Variants in RNF180 observed in about 807,000 individuals in gnomAD.
RNF180 encodes the protein ring finger protein 180.
Under a neutral mutation model 59.2 loss-of-function variants are expected in RNF180, and 38 were observed. The observed-to-expected ratio is 0.64, with a 90% CI of 0.50 to 0.84. RNF180 has a LOEUF of 0.84. Among genes scored for constraint, RNF180 ranks in the 40% least tolerant of loss-of-function variants. The pLI is 0.00. For missense variants in RNF180, 705 were observed against 700.9 expected (o/e 1.01, Z -0.07); for synonymous variants, 262 against 240.3 (o/e 1.09, Z -0.84).
intron 7 of RNF180, among the ~76,000 whole-genome samples, chr5:64,363,823 TG>T (rs1746348166): frequency 6.6e-6 from 1 of 151,898 alleles, no homozygotes; most frequent in South Asian, 2.1e-4. Flanking sequence ...GCTGTATTCC[TG>T]GGTATTTTAT....
chr5:64,176,516 CA>C (rs1301569588), intron 1 of RNF180, among the ~76,000 whole-genome samples: 1 of 152,184 alleles, frequency 6.6e-6, no homozygotes, highest in Admixed American at 6.5e-5. Flanking sequence ...TCACTATTAA[CA>C]AGGTGTTTTC....
chr5:64,212,437 A>G lies in RNF180; in HGVS notation c.231+277A>G, dbSNP rs113130240. ...GACATATATATTATTATACACACAC[A>G]TATACATATTTACCTAAATACACAT... On this transcript the variant is annotated intron_variant, in intron 3 of 7. Transcript: ENST00000389100. 2.6e-5 allele frequency among the ~76,000 whole-genome samples: 4 copies of G among 152,194 alleles called. 1 individual carries two copies. The highest frequency in any genetic ancestry group is 9.6e-5 in the African/African-American group (4 of 41,548).
chr5:64,260,731 A>G (rs1457651726), intron 5 of RNF180, among the ~76,000 whole-genome samples: 1 of 152,150 alleles, frequency 6.6e-6, no homozygotes, highest in Non-Finnish European at 1.5e-5. Flanking sequence ...TGGCTGTATG[A>G]GATCTTCAGC....
chr5:64,173,216 G>A (rs1476257916), intron 1 of RNF180, among the ~76,000 whole-genome samples: 1 of 152,112 alleles, frequency 6.6e-6, no homozygotes, highest in African/African-American at 2.4e-5. Flanking sequence ...AGCCAAAGTA[G>A]AAACCACCCA....
intron 7 of RNF180, among the ~76,000 whole-genome samples, chr5:64,338,504 G>A (rs145442366): frequency 0.026 from 3,880 of 151,970 alleles, 70 homozygotes; most frequent in Non-Finnish European, 0.038. Flanking sequence ...GCGTGGTGGC[G>A]GGTGCCTGTA....
At chr5:64,221,492 A>G (rs1156304765) in intron 5 of RNF180, among the ~76,000 whole-genome samples, 1 of 152,154 alleles carries the variant, frequency 6.6e-6, no homozygotes, top group African/African-American at 2.4e-5. Context: ...TGTTTTATGA[A>G]TGTAAAAATA....
At chr5:64,191,065 T>C (rs1751125867) in intron 1 of RNF180, among the ~76,000 whole-genome samples, 2 of 152,214 alleles carry the variant, frequency 1.3e-5, no homozygotes, top group Admixed American at 1.3e-4. Context: ...TTTTTGTTAA[T>C]GAATACCAGT....
rs116468614 is a variant in RNF180 at position 64,274,756 on chromosome 5, C to T, written c.1228-50430C>T. On this transcript the variant is annotated intron_variant, in intron 5 of 7. Coordinates refer to ENST00000389100, the MANE Select transcript of RNF180 (RefSeq NM_001113561.2). Reference sequence around the variant, plus strand: ...TGACTGGCTTCTACTGTACTGTATTCCTCAGACCAAACAGCCTTCCTAGCT... The same window carrying T: ...TGACTGGCTTCTACTGTACTGTATTTCTCAGACCAAACAGCCTTCCTAGCT... Among the ~76,000 whole-genome samples, 613 of 151,994 alleles carry T rather than the reference C, an allele frequency of 4.0e-3. 8 individuals carry two copies. Among genetic ancestry groups the T allele is most frequent in the African/African-American group, 0.013 (554 of 41,486 alleles).
intron 1 of RNF180, among the ~76,000 whole-genome samples, chr5:64,172,996 A>G (rs1350786468): frequency 6.6e-6 from 1 of 152,244 alleles, no homozygotes; most frequent in Admixed American, 6.5e-5. Context: ...CCACTGGGAA[A>G]TGTTAAATAA....
chr5:64,283,004 G>A (rs1368778187), intron 5 of RNF180, among the ~76,000 whole-genome samples: 1 of 152,146 alleles, frequency 6.6e-6, no homozygotes, highest in Non-Finnish European at 1.5e-5. Context: ...TTCTGTAGAT[G>A]CCTGTTAGGT....
intron 7 of RNF180, among the ~76,000 whole-genome samples, chr5:64,337,943 G>C (rs184612744): frequency 3.3e-5 from 5 of 152,136 alleles, no homozygotes; most frequent in Admixed American, 3.3e-4. Flanking sequence ...CTTTGCTATT[G>C]TGAATAGTGC....
At chr5:64,346,999 T>C (rs923539695) in intron 7 of RNF180, among the ~76,000 whole-genome samples, 13 of 152,346 alleles carry the variant, frequency 8.5e-5, no homozygotes, top group African/African-American at 2.2e-4. Context: ...TGCAATGTTA[T>C]AAATAAAAGA....
chr5:64,232,760 A>C (rs1425511279), intron 5 of RNF180, among the ~76,000 whole-genome samples: 1 of 152,242 alleles, frequency 6.6e-6, no homozygotes, highest in Non-Finnish European at 1.5e-5. Context: ...AAACATTTAC[A>C]TAGTGTCTAC....
intron 5 of RNF180, among the ~76,000 whole-genome samples, chr5:64,319,232 G>T (rs1744219377): frequency 6.6e-6 from 1 of 150,730 alleles, no homozygotes; most frequent in African/African-American, 2.4e-5. Context: ...TTGAGTCCTC[G>T]GCCACATGCT....
In RNF180 at chr5:64,192,959, G is replaced by A. The variant is rs562763185; in HGVS notation, c.1-7849G>A. On this transcript the variant is annotated intron_variant, in intron 1 of 7. Transcript: ENST00000389100. Reference sequence around the variant, plus strand: ...TATATAAAATGAAACATTCAGCATCGAAAAAGAAGGCAATCCTACCATTTG... The same window carrying A: ...TATATAAAATGAAACATTCAGCATCAAAAAAGAAGGCAATCCTACCATTTG... Among the ~76,000 whole-genome samples, 289 of 120,298 alleles carry A rather than the reference G, an allele frequency of 2.4e-3. 1 individual carries two copies. The highest frequency in any genetic ancestry group is 4.0e-3 in the Non-Finnish European group (241 of 59,778). 78.9% of individuals were successfully genotyped at this position (120,298 alleles called of 152,430 possible).
intron 7 of RNF180, among the ~76,000 whole-genome samples, chr5:64,346,839 G>T (rs1745579931): frequency 6.6e-6 from 1 of 152,134 alleles, no homozygotes; most frequent in East Asian, 1.9e-4. Context: ...TGATTACACT[G>T]CTCTAAAAGA....
At chr5:64,361,300 C>T (rs1181275386) in intron 7 of RNF180, among the ~76,000 whole-genome samples, 1 of 151,172 alleles carries the variant, frequency 6.6e-6, no homozygotes, top group Non-Finnish European at 1.5e-5. Context: ...GGAATTTATC[C>T]ATATGAAGGA....
chr5:64,368,117 A>C (rs1746520938), intron 7 of RNF180, among the ~76,000 whole-genome samples: 1 of 151,684 alleles, frequency 6.6e-6, no homozygotes. Flanking sequence ...GTTGACTTTC[A>C]AGATTTGCTT....
At chr5:64,191,246 A>G (rs1054776859) in intron 1 of RNF180, among the ~76,000 whole-genome samples, 13 of 152,208 alleles carry the variant, frequency 8.5e-5, no homozygotes, top group South Asian at 4.1e-4. Flanking sequence ...AGTTTCTCCT[A>G]TCATTAACGT....
Sources: allele counts gnomAD v4.1 joint callset (sites outside exome capture counted in the v4.1 genomes callset), GRCh38; gene constraint gnomAD v4.1.1; transcripts MANE v1.5; gene names NCBI Gene and HGNC (gene_info 2026-07-23, HGNC 2026-07-21).